ME1: variants seen among roughly 807,000 people sequenced by gnomAD.
ME1 encodes malic enzyme 1.
Under a neutral mutation model 66.4 loss-of-function variants are expected in ME1, and 74 were observed. The observed-to-expected ratio is 1.11, with a 90% confidence interval of 0.92 to 1.35. ME1 has a LOEUF of 1.35. ME1 is among the 40% of genes most tolerant of loss of function. The probability of loss-of-function intolerance (pLI) is 0.00; values close to 1 mark genes in which losing one functional copy is unlikely to be tolerated. For missense variants in ME1, 750 were observed against 694.1 expected, an observed-to-expected ratio of 1.08 and a Z score of -0.90; for synonymous variants, 251 against 235.6, an observed-to-expected ratio of 1.07 and a Z score of -0.60.
At chr6:83,322,014 A>C (rs1768187249) in intron 5 of ME1, among the ~76,000 whole-genome samples, 1 of 152,212 alleles carries the variant, frequency 6.6e-6, no homozygotes, top group Admixed American at 6.5e-5. Flanking sequence ...GTAAACAGGG[A>C]CTGGAGTGGA....
chr6:83,239,709 C>T (rs774994131), intron 7 of ME1, 73 bp from the exon 8 acceptor site: 37 of 1,053,616 alleles, frequency 3.5e-5, no homozygotes, highest in African/African-American at 6.3e-5. Context: ...TTATTCACAA[C>T]TTGAAATAAT....
chr6:83,212,569 C>G (rs1789912688), intron 13 of ME1, among the ~76,000 whole-genome samples: 1 of 152,198 alleles, frequency 6.6e-6, no homozygotes, highest in East Asian at 1.9e-4. Flanking sequence ...GATGAGCACT[C>G]TTTGCCAGCG....
chr6:83,357,168 A>G (rs1411759050), intron 3 of ME1, among the ~76,000 whole-genome samples: 1 of 152,150 alleles, frequency 6.6e-6, no homozygotes, highest in African/African-American at 2.4e-5. Context: ...GCTTCTTCTC[A>G]TTGTTTACTA....
At chr6:83,243,415 GATTATATTTATATATTTATA>G (rs1790545152) in intron 7 of ME1, among the ~76,000 whole-genome samples, 2 of 115,904 alleles carry the variant, frequency 1.7e-5, no homozygotes, top group African/African-American at 3.6e-5. Context: ...TATATAATTA[GATTATATTTATATATTTATA>G]TAATATATTA....
At chr6:83,285,126 C>T (rs1767373168) in intron 6 of ME1, among the ~76,000 whole-genome samples, 1 of 152,042 alleles carries the variant, frequency 6.6e-6, no homozygotes, top group African/African-American at 2.4e-5. Flanking sequence ...TAATATATCA[C>T]AAAACTGATT....
intron 1 of ME1, among the ~76,000 whole-genome samples, chr6:83,408,889 T>C (rs950881147): frequency 2.6e-5 from 4 of 152,146 alleles, no homozygotes; most frequent in African/African-American, 9.7e-5. Flanking sequence ...TATGATATGA[T>C]AGTTGGTGTT....
chr6:83,306,719 G>C (rs1182823098), intron 6 of ME1, among the ~76,000 whole-genome samples: 1 of 152,004 alleles, frequency 6.6e-6, no homozygotes, highest in East Asian at 1.9e-4. Flanking sequence ...CTTAAATAAT[G>C]CTTTCAACAG....
chr6:83,330,989 A>G (rs1562483157), intron 5 of ME1, among the ~76,000 whole-genome samples: 1 of 152,192 alleles, frequency 6.6e-6, no homozygotes, highest in African/African-American at 2.4e-5. Flanking sequence ...GCAAGGGTAC[A>G]CTGTACACAT....
chr6:83,301,690 GA>G (rs1562474541), intron 6 of ME1, among the ~76,000 whole-genome samples: 1 of 152,114 alleles, frequency 6.6e-6, no homozygotes, highest in South Asian at 2.1e-4. Flanking sequence ...ACAAACATAT[GA>G]AAAAAGTTCA....
chr6:83,217,810 G>T (rs564133557), intron 12 of ME1, among the ~76,000 whole-genome samples: 1 of 152,218 alleles, frequency 6.6e-6, no homozygotes, highest in South Asian at 2.1e-4. Context: ...TGACCTGGGG[G>T]AGCAGAGGGT....
At chr6:83,341,281 G>A (rs1005036646) in intron 5 of ME1, among the ~76,000 whole-genome samples, 1 of 152,168 alleles carries the variant, frequency 6.6e-6, no homozygotes, top group Non-Finnish European at 1.5e-5. Flanking sequence ...GACTCTTCTA[G>A]ACTCTTCCCT....
At chr6:83,258,740 TAAAG>T (rs1427091185) in intron 6 of ME1, among the ~76,000 whole-genome samples, 1 of 152,052 alleles carries the variant, frequency 6.6e-6, no homozygotes, top group African/African-American at 2.4e-5. Flanking sequence ...ACTTAACAGA[TAAAG>T]AAATGAACTC....
In ME1 at chr6:83,228,927, C is replaced by T. The variant is rs1015805986; in HGVS notation, c.1031G>A (p.Arg344His). The change falls in exon 10 of 14, where the codon CGT (arginine) becomes CAT (histidine). Residue 344 changes from arginine (R) to histidine (H), a missense_variant. Physicochemically the swap from Arg to His is conservative, Grantham distance 29. Coordinates refer to ENST00000369705, the MANE Select transcript of ME1 (RefSeq NM_002395.6). ...VDSKGLIVKG[R>H]ASLTQEKEKF... ...CTCTTTCTCTTGTGTTAAGGAAGCA[C>T]GTCCCTAAGTAAAGCCAGTAAGAAA... 12 of 1,606,892 alleles carry T rather than the reference C, an allele frequency of 7.5e-6. No homozygotes were observed. Among genetic ancestry groups the T allele is most frequent in the South Asian group, 2.2e-5 (2 of 89,564 alleles).
chr6:83,398,737 T>C (rs1294993727), intron 2 of ME1, among the ~76,000 whole-genome samples: 1 of 151,758 alleles, frequency 6.6e-6, no homozygotes, highest in Non-Finnish European at 1.5e-5. Flanking sequence ...CTTGGGAGGC[T>C]GAGGTGGGCG....
chr6:83,305,303 G>T (rs1767803481), intron 6 of ME1, among the ~76,000 whole-genome samples: 1 of 151,952 alleles, frequency 6.6e-6, no homozygotes, highest in African/African-American at 2.4e-5. Context: ...CACACAATAA[G>T]CATAAACATA....
At chr6:83,290,216 T>C (rs1202439343) in intron 6 of ME1, among the ~76,000 whole-genome samples, 1 of 152,208 alleles carries the variant, frequency 6.6e-6, no homozygotes, top group Non-Finnish European at 1.5e-5. Context: ...TTAATTGTGA[T>C]GTTAGGATGT....
At chr6:83,237,920 G>A (rs1790446268) in intron 8 of ME1, 90 bp from the exon 9 acceptor site, 8 of 588,062 alleles carry the variant, frequency 1.4e-5, no homozygotes, top group South Asian at 2.8e-5. Flanking sequence ...TTGTTAGTGG[G>A]AACAAAATAT....
chr6:83,423,071 T>C (rs1770301268), intron 1 of ME1, among the ~76,000 whole-genome samples: 1 of 152,032 alleles, frequency 6.6e-6, no homozygotes, highest in Admixed American at 6.6e-5. Flanking sequence ...TTTAAGATTC[T>C]GAAAGTGAAA....
rs1047965124 is a variant in ME1 at position 83,310,011 on chromosome 6, G to A, written c.704+5299C>T. ...ATTACTAGGCCCAATTGATAAATTT[G>A]TTGAACAGGCCAGTACTAGGAAATG... On this transcript the variant is annotated intron_variant, in intron 6 of 13. Coordinates refer to ENST00000369705, the MANE Select transcript of ME1 (RefSeq NM_002395.6). 2.6e-5 allele frequency among the ~76,000 whole-genome samples: 4 copies of A among 152,234 alleles called. No individual in the cohort carries two copies. In the East Asian group the frequency reaches 5.8e-4, roughly 22 times the overall value.
Sources: allele counts gnomAD v4.1 joint callset (sites outside exome capture counted in the v4.1 genomes callset), GRCh38; gene constraint gnomAD v4.1.1; transcripts MANE v1.5; gene names NCBI Gene and HGNC (gene_info 2026-07-23, HGNC 2026-07-21).